The following CNBD1 variants were observed in gnomAD, a reference collection of about 807,000 sequenced individuals.
CNBD1 encodes cyclic nucleotide-binding domain-containing protein 1.
In CNBD1, 71 loss-of-function variants were observed where a neutral mutation model predicts 54.4. That is an observed-to-expected ratio of 1.30 (90% CI 1.08 to 1.59). The LOEUF (loss-of-function observed/expected upper bound fraction) is 1.59. CNBD1 is among the 40% of genes most tolerant of loss of function. CNBD1 has a pLI of 0.00. For missense variants in CNBD1, 659 were observed against 518.0 expected, an observed-to-expected ratio of 1.27 and a Z score of -2.64; for synonymous variants, 182 against 170.7, an observed-to-expected ratio of 1.07 and a Z score of -0.51.
At position 86,939,739 on chromosome 8, in the gene CNBD1, CT is replaced by C; in HGVS notation, c.417del (p.Ile140SerfsTer2). On this transcript the variant is annotated frameshift_variant, in exon 4 of 11. Transcript: ENST00000518476. LOFTEE classifies it high-confidence loss of function. Reference sequence around the variant, plus strand: ...ACAGAGAAATTTGAAGAATTCCTAGCTATCTTAAAGAAATTGTAAGTATTTA... The same window carrying C: ...ACAGAGAAATTTGAAGAATTCCTAGCATCTTAAAGAAATTGTAAGTATTTA... Reference protein sequence around the residue: ...RATEKFEEFLAILKKLPIHRT... With the variant: ...RATEKFEEFLXILKKLPIHRT... The C allele has an allele frequency of 6.4e-7, 1 of 1,561,444 alleles. No individual in the cohort carries two copies. The highest frequency in any genetic ancestry group is 2.3e-5 in the East Asian group (1 of 44,048).
chr8:87,004,384 A>G (rs147199201), intron 4 of CNBD1, among the ~76,000 whole-genome samples: 1 of 152,318 alleles, frequency 6.6e-6, no homozygotes. Context: ...TTGTGTTTGC[A>G]TGGATCAATT....
intron 1 of CNBD1, among the ~76,000 whole-genome samples, chr8:86,885,975 A>T (rs899769241): frequency 6.6e-6 from 1 of 152,174 alleles, no homozygotes; most frequent in Non-Finnish European, 1.5e-5. Flanking sequence ...TCTCTGTTCT[A>T]TAAGTCTTAT....
At chr8:87,318,870 G>T (rs1269176170) in intron 8 of CNBD1, among the ~76,000 whole-genome samples, 1 of 152,014 alleles carries the variant, frequency 6.6e-6, no homozygotes, top group East Asian at 1.9e-4. Context: ...TCTTTCTTTG[G>T]AAGTAGCATC....
At chr8:86,945,249 C>T (rs1190884026) in intron 4 of CNBD1, among the ~76,000 whole-genome samples, 4 of 152,168 alleles carry the variant, frequency 2.6e-5, no homozygotes, top group African/African-American at 7.2e-5. Context: ...TTAAGATCCT[C>T]TGAGAAAACT....
At chr8:87,304,350 G>T (rs1398845237) in intron 8 of CNBD1, among the ~76,000 whole-genome samples, 3 of 152,058 alleles carry the variant, frequency 2.0e-5, no homozygotes, top group Non-Finnish European at 2.9e-5. Context: ...CATGGATGAA[G>T]CTGGAAACCA....
At chr8:87,360,316 G>A (rs77605295) in intron 10 of CNBD1, among the ~76,000 whole-genome samples, 2,854 of 151,956 alleles carry the variant, frequency 0.019, 90 homozygotes, top group African/African-American at 0.062. Flanking sequence ...TTGAGGAGTG[G>A]CTTATTTGTT....
intron 4 of CNBD1, among the ~76,000 whole-genome samples, chr8:87,105,124 A>G (rs901135314): frequency 6.6e-6 from 1 of 152,090 alleles, no homozygotes; most frequent in Non-Finnish European, 1.5e-5. Context: ...TGATGAGGAG[A>G]TGGGTTTTTT....
chr8:86,954,872 T>C (rs1171079956), intron 4 of CNBD1, among the ~76,000 whole-genome samples: 2 of 152,212 alleles, frequency 1.3e-5, no homozygotes, highest in African/African-American at 4.8e-5. Context: ...ATAGGGTACA[T>C]GTGCACAACG....
At chr8:87,367,925 A>G (rs1392546602) in intron 10 of CNBD1, among the ~76,000 whole-genome samples, 1 of 152,086 alleles carries the variant, frequency 6.6e-6, no homozygotes, top group Non-Finnish European at 1.5e-5. Flanking sequence ...TAATTCCAGC[A>G]CTTTGGGAGG....
intron 2 of CNBD1, among the ~76,000 whole-genome samples, chr8:87,411,397 C>CATAT (rs6150689): frequency 0.12 from 11,065 of 92,090 alleles, 950 homozygotes; most frequent in East Asian, 0.18. Context: ...CTAGCTATAT[C>CATAT]ATATATATAT....
intron 1 of CNBD1, among the ~76,000 whole-genome samples, chr8:86,875,018 A>G (rs936317980): frequency 1.2e-4 from 17 of 139,132 alleles, no homozygotes; most frequent in Admixed American, 4.4e-4. Context: ...ATATATATAT[A>G]TATGTATTAA....
At chr8:86,969,008 A>G (rs761727158) in intron 4 of CNBD1, among the ~76,000 whole-genome samples, 6 of 152,118 alleles carry the variant, frequency 3.9e-5, no homozygotes, top group Admixed American at 6.5e-5. Flanking sequence ...TGAGGGAAGT[A>G]TGTAGCTTTT....
intron 2 of CNBD1, among the ~76,000 whole-genome samples, chr8:87,392,806 G>T (rs1275356791): frequency 6.6e-6 from 1 of 151,908 alleles, no homozygotes; most frequent in African/African-American, 2.4e-5. Flanking sequence ...AAACTGTGTT[G>T]TACGTGACTT....
chr8:87,359,113 CAA>C (rs1265139287), intron 10 of CNBD1, among the ~76,000 whole-genome samples: 2 of 152,170 alleles, frequency 1.3e-5, no homozygotes, highest in Non-Finnish European at 2.9e-5. Flanking sequence ...GTGTCACATA[CAA>C]AAGTGTTTCT....
intron 10 of CNBD1, among the ~76,000 whole-genome samples, chr8:87,379,753 G>A (rs1039875240): frequency 2.6e-5 from 4 of 151,690 alleles, no homozygotes; most frequent in African/African-American, 4.8e-5. Context: ...TACATTGATT[G>A]AATCTGATTG....
In CNBD1 at chr8:87,382,725, T is replaced by C. The variant is rs1811106547; in HGVS notation, c.*98T>C. 2.1e-6 allele frequency: 2 copies of C among 954,360 alleles called. No homozygotes were observed. Among genetic ancestry groups the C allele is most frequent in the African/African-American group, 1.6e-5 (1 of 61,038 alleles). The allele number at this position is 954,360 out of a possible 1,614,324, so 59.1% of individuals were successfully genotyped here. ...TACTATCAAACTACCAGCAATGAAT[T>C]TGGTCTATTGTGACTACATATCCTG... is the stretch of plus-strand genomic sequence containing the variant. On this transcript the variant is annotated 3_prime_UTR_variant, in exon 11 of 11. Transcript: ENST00000518476.
chr8:87,384,205 G>A (rs118183417), downstream of CNBD1, among the ~76,000 whole-genome samples: 234 of 152,074 alleles, frequency 1.5e-3, no homozygotes, highest in Non-Finnish European at 2.9e-3. Context: ...TGCTAAATTT[G>A]GCTATTTTAT....
At chr8:87,270,497 CTT>C (rs764114715) in intron 6 of CNBD1, among the ~76,000 whole-genome samples, 4 of 151,864 alleles carry the variant, frequency 2.6e-5, no homozygotes, top group Non-Finnish European at 5.9e-5. Flanking sequence ...AAATGGAACA[CTT>C]ATACATTTTT....
At chr8:87,064,218 C>T (rs1035923223) in intron 4 of CNBD1, among the ~76,000 whole-genome samples, 4 of 151,950 alleles carry the variant, frequency 2.6e-5, no homozygotes, top group African/African-American at 9.7e-5. Flanking sequence ...CTGACATTTG[C>T]CAATATTCCT....
Sources: gnomAD v4.1 joint callset for allele counts (sites outside exome capture counted in the v4.1 genomes callset) on GRCh38, gnomAD v4.1.1 for gene constraint, MANE v1.5 for transcripts, NCBI Gene and HGNC (gene_info 2026-07-23, HGNC 2026-07-21) for gene names.